The following NRXN3 variants were observed in gnomAD, a reference collection of about 807,000 sequenced individuals.
NRXN3 encodes the protein neurexin 3.
Under a neutral mutation model 137.6 loss-of-function variants are expected in NRXN3, and 32 were observed. The ratio of observed to expected loss-of-function variants is 0.23; its 90% CI spans 0.18 to 0.31. The LOEUF (loss-of-function observed/expected upper bound fraction) is 0.31, where lower values mean the gene tolerates loss of function less well. Ranked by LOEUF, NRXN3 falls within the 10% of genes least tolerant of loss-of-function variation. NRXN3 has a pLI of 1.00. For synonymous variants in NRXN3, 798 were observed against 784.5 expected (o/e 1.02, Z -0.29); for missense variants, 1,574 against 2,062.5 (o/e 0.76, Z 4.59).
chr14:78,486,397 T>A (rs1481293231), intron 4 of NRXN3, among the ~76,000 whole-genome samples: 5 of 152,184 alleles, frequency 3.3e-5, no homozygotes, highest in Non-Finnish European at 7.3e-5. Context: ...GAAGGCTAAC[T>A]TATAGTCCAG....
chr14:79,627,766 G>A (rs2098298173), intron 16 of NRXN3, among the ~76,000 whole-genome samples: 1 of 152,034 alleles, frequency 6.6e-6, no homozygotes, highest in African/African-American at 2.4e-5. Context: ...AGGTTGCTAG[G>A]GATTAAATGA....
At chr14:79,780,311 C>A (rs1285581957) in intron 19 of NRXN3, among the ~76,000 whole-genome samples, 3 of 151,888 alleles carry the variant, frequency 2.0e-5, no homozygotes, top group African/African-American at 2.4e-5. Context: ...ATTATAAAAT[C>A]TTTTACCAGC....
At chr14:79,578,966 G>T (rs1053842115) in intron 16 of NRXN3, among the ~76,000 whole-genome samples, 44 of 151,928 alleles carry the variant, frequency 2.9e-4, no homozygotes, top group Admixed American at 1.2e-3. Context: ...ATTATTTTCA[G>T]TAATAATTAT....
At chr14:79,655,455 G>C (rs544974206) in intron 16 of NRXN3, among the ~76,000 whole-genome samples, 26 of 152,304 alleles carry the variant, frequency 1.7e-4, no homozygotes, top group African/African-American at 6.3e-4. Context: ...TCACACGTGC[G>C]TGCTCATGGC....
intron 4 of NRXN3, among the ~76,000 whole-genome samples, chr14:78,394,562 G>T (rs1005562543): frequency 2.6e-5 from 4 of 151,486 alleles, no homozygotes; most frequent in Non-Finnish European, 4.4e-5. Flanking sequence ...GTCTCATTTT[G>T]GTATCACGAT....
chr14:79,348,437 G>A (rs1232823310), intron 15 of NRXN3, among the ~76,000 whole-genome samples: 1 of 150,118 alleles, frequency 6.7e-6, no homozygotes, highest in Non-Finnish European at 1.5e-5. Flanking sequence ...GTGCAGTGGC[G>A]CGATCTCTGC....
chr14:79,527,110 A>G (rs1045507018), intron 16 of NRXN3, among the ~76,000 whole-genome samples: 40 of 152,020 alleles, frequency 2.6e-4, no homozygotes, highest in Non-Finnish European at 4.7e-4. Flanking sequence ...CCTGGCAAAC[A>G]TGGTGAAACC....
intron 6 of NRXN3, among the ~76,000 whole-genome samples, chr14:78,675,407 G>A (rs12882240): frequency 0.042 from 6,387 of 152,234 alleles, 180 homozygotes; most frequent in Non-Finnish European, 0.056. Flanking sequence ...AGGAGTCAAA[G>A]GAAGAAGAGA....
At chr14:78,239,843 G>A (rs543204759) in intron 1 of NRXN3, among the ~76,000 whole-genome samples, 64 of 152,222 alleles carry the variant, frequency 4.2e-4, no homozygotes, top group African/African-American at 1.4e-3. Flanking sequence ...GAGTAGCTGG[G>A]ATCACAGTCG....
chr14:79,168,069 G>A (rs1470229134), intron 15 of NRXN3, among the ~76,000 whole-genome samples: 1 of 151,752 alleles, frequency 6.6e-6, no homozygotes, highest in Non-Finnish European at 1.5e-5. Flanking sequence ...ATGATTTTGA[G>A]CTAGGCCTTG....
intron 4 of NRXN3, among the ~76,000 whole-genome samples, chr14:78,396,128 T>C (rs2091430433): frequency 2.0e-5 from 3 of 151,976 alleles, no homozygotes; most frequent in South Asian, 4.2e-4. Flanking sequence ...ATTTTGAATG[T>C]ATTTCTTTGT....
chr14:78,313,409 T>C (rs2078202007), intron 4 of NRXN3, among the ~76,000 whole-genome samples: 1 of 152,222 alleles, frequency 6.6e-6, no homozygotes, highest in African/African-American at 2.4e-5. Context: ...TACTTCTTTC[T>C]TAGAAATGGT....
chr14:79,529,159 C>T (rs2097147893), intron 16 of NRXN3, among the ~76,000 whole-genome samples: 1 of 152,174 alleles, frequency 6.6e-6, no homozygotes, highest in Admixed American at 6.5e-5. Flanking sequence ...TGCACAATTT[C>T]TGTCCCTTTT....
At chr14:79,795,742 G>C (rs1436529040) in intron 19 of NRXN3, among the ~76,000 whole-genome samples, 1 of 152,016 alleles carries the variant, frequency 6.6e-6, no homozygotes, top group East Asian at 1.9e-4. Context: ...AGTGTAATAA[G>C]GAAAAGATAG....
intron 17 of NRXN3, among the ~76,000 whole-genome samples, chr14:79,685,347 A>G (rs2098690466): frequency 6.6e-6 from 1 of 152,222 alleles, no homozygotes; most frequent in Non-Finnish European, 1.5e-5. Context: ...AAGCATGGTT[A>G]CCAGAAAGGA....
intron 20 of NRXN3, among the ~76,000 whole-genome samples, chr14:79,808,456 C>T (rs975884036): frequency 1.3e-5 from 2 of 151,888 alleles, no homozygotes; most frequent in Non-Finnish European, 2.9e-5. Flanking sequence ...TCTTGCAATT[C>T]TACATTACCA....
chr14:79,068,994 G>T (rs1427264726), intron 15 of NRXN3, among the ~76,000 whole-genome samples: 1 of 152,020 alleles, frequency 6.6e-6, no homozygotes, highest in African/African-American at 2.4e-5. Flanking sequence ...GAGTTACTTT[G>T]TTGTATTCTA....
intron 19 of NRXN3, among the ~76,000 whole-genome samples, chr14:79,711,824 G>T (rs2098805301): frequency 6.6e-6 from 1 of 152,176 alleles, no homozygotes; most frequent in South Asian, 2.1e-4. Context: ...ATGGTGAAGG[G>T]TGGCCCATAT....
chr14:79,253,568 A>G (rs778630691), intron 15 of NRXN3, among the ~76,000 whole-genome samples: 4 of 152,204 alleles, frequency 2.6e-5, no homozygotes, highest in Non-Finnish European at 5.9e-5. Context: ...AAACAGGGTA[A>G]TTTATGAAGA....
Sources: allele counts gnomAD v4.1 joint callset (sites outside exome capture counted in the v4.1 genomes callset), GRCh38; gene constraint gnomAD v4.1.1; transcripts MANE v1.5; gene names NCBI Gene and HGNC (gene_info 2026-07-23, HGNC 2026-07-21).